CSPG5: variants seen among roughly 807,000 people sequenced by gnomAD.
CSPG5 encodes chondroitin sulfate proteoglycan 5.
Under a neutral mutation model 39.8 loss-of-function variants are expected in CSPG5, and 25 were observed. The ratio of observed to expected loss-of-function variants is 0.63; its 90% confidence interval spans 0.46 to 0.88. CSPG5 has a LOEUF of 0.88. Among genes scored for constraint, CSPG5 ranks in the 40% least tolerant of loss-of-function variants. CSPG5 has a pLI of 0.00. For missense variants in CSPG5, 627 were observed against 702.2 expected (o/e 0.89, Z 1.21); for synonymous variants, 295 against 303.9 (o/e 0.97, Z 0.31).
At chr3:47,566,326 T>C (rs2031297804) in intron 4 of CSPG5, among the ~76,000 whole-genome samples, 1 of 152,142 alleles carries the variant, frequency 6.6e-6, no homozygotes, top group Non-Finnish European at 1.5e-5. Flanking sequence ...GGCGCCCCCT[T>C]GTCTCTCCTC....
chr3:47,569,100 A>C, intron 4 of CSPG5, 52 bp downstream of exon 4: 3 of 1,565,558 alleles, frequency 1.9e-6, no homozygotes, highest in Non-Finnish European at 1.7e-6. Flanking sequence ...TAGTGAGCCA[A>C]GGCACGGGCA....
rs991995186 is a variant in CSPG5, at chr3:47,562,559, C to A, written c.*41G>T. On this transcript the variant is annotated 3_prime_UTR_variant, in exon 5 of 5. Coordinates refer to ENST00000264723, the MANE Select transcript of CSPG5 (RefSeq NM_006574.4). ...GAGGAGATAATGTTTCTTCCCCTAC[C>A]CCCCACCCACTACCCCCGCTTCCTC... 6.6e-7 allele frequency: 1 copy of A among 1,521,334 alleles called. No individual in the cohort carries two copies. Among genetic ancestry groups the A allele is most frequent in the Non-Finnish European group, 9.1e-7 (1 of 1,102,960 alleles). The allele number at this position is 1,521,334 out of a possible 1,614,324, so 94.2% of individuals were successfully genotyped here. A position where few individuals can be genotyped will look rare whatever the true frequency, so the allele number is the denominator to read the frequency against.
In CSPG5 at chr3:47,569,262, G is replaced by A. The variant is rs750467145; in HGVS notation, c.1383-35C>T. ...AGAGAAGAGTGAAGGAAACATGTAA[G>A]TGAAATAATCACGGCAAAACATGAC... On this transcript the variant is annotated intron_variant, in intron 3 of 4. Coordinates refer to ENST00000264723, the MANE Select transcript of CSPG5 (RefSeq NM_006574.4). 5.6e-6 allele frequency: 9 copies of A among 1,602,466 alleles called. No homozygotes were observed. The South Asian group carries it at 8.9e-5, about 16-fold the overall frequency.
chr3:47,575,179 A>G (rs2031667327), intron 2 of CSPG5, among the ~76,000 whole-genome samples: 1 of 152,218 alleles, frequency 6.6e-6, no homozygotes, highest in Non-Finnish European at 1.5e-5. Context: ...TAATCCCAGC[A>G]CTTTGAGAGG....
chr3:47,566,038 G>A (rs1296338811), intron 4 of CSPG5, among the ~76,000 whole-genome samples: 2 of 152,192 alleles, frequency 1.3e-5, no homozygotes, highest in African/African-American at 4.8e-5. Flanking sequence ...GAGGGAAAGA[G>A]GTGCCACCGG....
At chr3:47,573,408 G>A (rs2031596017) in intron 2 of CSPG5, among the ~76,000 whole-genome samples, 1 of 152,202 alleles carries the variant, frequency 6.6e-6, no homozygotes, top group African/African-American at 2.4e-5. Flanking sequence ...TGACAGACAA[G>A]GACAAATAGA....
rs145324725 is a variant in CSPG5, at chr3:47,576,006, C to T, written c.1193+827G>A. On this transcript the variant is annotated intron_variant, in intron 2 of 4. Transcript: ENST00000264723. Reference sequence around the variant, plus strand: ...AGGCTAGAGTGCAATGGCGTGATCTCGGCTCACTGCAACGTCCACCTCCTG... The same window carrying T: ...AGGCTAGAGTGCAATGGCGTGATCTTGGCTCACTGCAACGTCCACCTCCTG... 5.7e-3 allele frequency among the ~76,000 whole-genome samples: 821 copies of T among 143,302 alleles called. 11 individuals are homozygous for T. Among genetic ancestry groups the T allele is most frequent in the African/African-American group, 0.02 (771 of 38,756 alleles). The allele number at this position is 143,302 out of a possible 152,430, so 94.0% of individuals were successfully genotyped here.
rs2031798914 is a variant in CSPG5 at position 47,577,460 on chromosome 3, G to A, written c.566C>T (p.Pro189Leu). 1 of 1,614,074 alleles carries A rather than the reference G, an allele frequency of 6.2e-7. No homozygotes were observed. The highest frequency in any genetic ancestry group is 1.3e-5 in the African/African-American group (1 of 75,038). ...GCCCTGAAATGGGTAAGTCAGCTCT[G>A]GCCCTTGAGGGTCGGGTGTGCTGCC... Reference protein sequence around the residue: ...LGGSTPDPQGPELTYPFQGTL... With the variant: ...LGGSTPDPQGLELTYPFQGTL... The change falls in exon 2 of 5, where the codon CCA becomes CTA. Residue 189 changes from proline (P) to leucine (L), a missense_variant. Coordinates refer to ENST00000264723, the MANE Select transcript of CSPG5 (RefSeq NM_006574.4). The surrounding 1 kb of genome is among the most constrained non-coding windows in gnomAD (Gnocchi z 4.7).
In CSPG5 at chr3:47,568,695, A is replaced by G. The variant is rs79253488; in HGVS notation, c.1458+457T>C. Among the ~76,000 whole-genome samples, 3 of 152,280 alleles carry G rather than the reference A, an allele frequency of 2.0e-5. No homozygotes were observed. In the East Asian group the frequency reaches 5.8e-4, roughly 29 times the overall value. ...TAATCAGACTTCTAAAGCTTAGATG[A>G]AGCTAAAAATCATGAGTAACCCTAG... On this transcript the variant is annotated intron_variant, in intron 4 of 4. Transcript: ENST00000264723.
intron 2 of CSPG5, among the ~76,000 whole-genome samples, chr3:47,576,216 C>T (rs896091774): frequency 3.3e-5 from 5 of 151,986 alleles, no homozygotes; most frequent in Non-Finnish European, 5.9e-5. Context: ...GGATTACAGG[C>T]GTGAGCCACC....
rs751294641 is a variant in CSPG5 at position 47,577,051 on chromosome 3, T to C, written c.975A>G (p.Pro325=). 79 of 1,613,492 alleles carry C rather than the reference T, an allele frequency of 4.9e-5. No homozygotes were observed. Among genetic ancestry groups the C allele is most frequent in the Non-Finnish European group, 6.5e-5 (77 of 1,179,932 alleles). The part of the protein sequence containing the change: ...QPTSRWHAVP[P]QHTLGSVPGS... ...CGGGGACCGACCCCAGAGTGTGCTGTGGAGGGACAGCATGCCACCGACTGG... is the reference window on the plus strand; with the variant it reads ...CGGGGACCGACCCCAGAGTGTGCTGCGGAGGGACAGCATGCCACCGACTGG... The change falls in exon 2 of 5, where the codon CCA becomes CCG. Residue 325 remains proline (P), a synonymous_variant. Transcript: ENST00000264723. This position sits in a 1 kb window ranked among gnomAD's most constrained non-coding sequence, Gnocchi z 4.7.
At chr3:47,576,788 A>C in intron 2 of CSPG5, 45 bp downstream of exon 2, 1 of 1,519,104 alleles carries the variant, frequency 6.6e-7, no homozygotes, top group Non-Finnish European at 8.8e-7. Context: ...TCGGCCTCAC[A>C]TACACTCTTC....
At chr3:47,575,705 C>T (rs1031072614) in intron 2 of CSPG5, among the ~76,000 whole-genome samples, 1 of 152,054 alleles carries the variant, frequency 6.6e-6, no homozygotes, top group African/African-American at 2.4e-5. Flanking sequence ...GGTCTGTTTC[C>T]AAGAAGGTCC....
intron 2 of CSPG5, among the ~76,000 whole-genome samples, chr3:47,575,484 G>A (rs2031682890): frequency 6.6e-6 from 1 of 152,184 alleles, no homozygotes; most frequent in South Asian, 2.1e-4. Context: ...TAAGAGTGAG[G>A]TGAGTAGGGT....
intron 2 of CSPG5, among the ~76,000 whole-genome samples, chr3:47,573,689 A>G (rs1427273141): frequency 6.6e-6 from 1 of 152,228 alleles, no homozygotes; most frequent in Admixed American, 6.5e-5. Context: ...GAGGGAGGAC[A>G]TGAACCTCAG....
rs1168637816 is a variant in CSPG5, at chr3:47,572,666, G to C, written c.1382+20C>G. 1 of 1,605,730 alleles carries C rather than the reference G, an allele frequency of 6.2e-7. No homozygotes were observed. The highest frequency in any genetic ancestry group is 1.7e-5 in the Admixed American group (1 of 59,834). ...TCCCACACCCTGACCTGGGTGGATG[G>C]GTGAGTGACACAGACTCACTTGGTC... is the stretch of plus-strand genomic sequence containing the variant. On this transcript the variant is annotated intron_variant, in intron 3 of 4. Coordinates refer to ENST00000264723, the MANE Select transcript of CSPG5 (RefSeq NM_006574.4). This position sits in a 1 kb window ranked among gnomAD's most constrained non-coding sequence, Gnocchi z 4.5.
Position 47,569,145 on chromosome 3 carries a change from T to C in CSPG5, c.1458+7A>G. On this transcript the variant is annotated splice_region_variant and intron_variant, in intron 4 of 4. Coordinates refer to ENST00000264723, the MANE Select transcript of CSPG5 (RefSeq NM_006574.4). ...GAGGTACGGGGAGTGTTGCAAAGTT[T>C]CCTTACATTTGGGTGAGAGCCCTCG... is the stretch of plus-strand genomic sequence containing the variant. The C allele has an allele frequency of 6.2e-7, 1 of 1,608,908 alleles. No individual in the cohort carries two copies. The highest frequency in any genetic ancestry group is 8.5e-7 in the Non-Finnish European group (1 of 1,177,944).
intron 2 of CSPG5, among the ~76,000 whole-genome samples, 192 bp downstream of exon 2, chr3:47,576,641 G>A (rs1351519192): frequency 1.3e-5 from 2 of 152,048 alleles, no homozygotes; most frequent in Admixed American, 6.5e-5. Flanking sequence ...TGTATTTTTA[G>A]TAGAGATGGG....
chr3:47,580,063 C>T (rs1204606429), upstream of CSPG5: 1 of 152,228 alleles, frequency 6.6e-6, no homozygotes, highest in Non-Finnish European at 1.5e-5. Context: ...ACCTGTTTCT[C>T]AGCAGAACTA....
Sources: gnomAD v4.1 joint callset for allele counts (sites outside exome capture counted in the v4.1 genomes callset) on GRCh38, gnomAD v4.1.1 for gene constraint, Gnocchi (gnomAD v3.1) non-coding constraint, MANE v1.5 for transcripts, NCBI Gene and HGNC (gene_info 2026-07-23, HGNC 2026-07-21) for gene names.